ITPRID1: variants seen among roughly 807,000 people sequenced by gnomAD.
ITPRID1 encodes the protein ITPR interacting domain containing 1.
In ITPRID1, 96 loss-of-function variants were observed where a neutral mutation model predicts 95.4. That is an observed-to-expected ratio of 1.01 (90% CI 0.85 to 1.19). ITPRID1 has a LOEUF of 1.19. Ranked by LOEUF, ITPRID1 falls within the 50% of genes most tolerant of loss-of-function variation. The pLI is 0.00. For missense variants in ITPRID1, 1,339 were observed against 1,252.9 expected (o/e 1.07, Z -1.04); for synonymous variants, 510 against 453.6 (o/e 1.12, Z -1.58).
chr7:31,527,748 G>A (rs1278883718), intron 1 of ITPRID1, among the ~76,000 whole-genome samples: 3 of 152,104 alleles, frequency 2.0e-5, no homozygotes, highest in Admixed American at 2.0e-4. Context: ...AACAACAGCA[G>A]CAGCAGCAAC....
At chr7:31,583,538 G>T (rs536748976) in intron 10 of ITPRID1, among the ~76,000 whole-genome samples, 1 of 152,314 alleles carries the variant, frequency 6.6e-6, no homozygotes, top group Non-Finnish European at 1.5e-5. Flanking sequence ...TGAGGCAGGA[G>T]AATTGCTTGA....
intron 1 of ITPRID1, among the ~76,000 whole-genome samples, chr7:31,516,869 G>A (rs576767921): frequency 1.3e-5 from 2 of 152,196 alleles, no homozygotes; most frequent in South Asian, 2.1e-4. Flanking sequence ...ACAGACCCTC[G>A]TGTTAAGTGT....
chr7:31,598,809 GA>G (rs996754849), intron 10 of ITPRID1, among the ~76,000 whole-genome samples: 8 of 151,604 alleles, frequency 5.3e-5, no homozygotes, highest in Admixed American at 4.6e-4. Context: ...GAATAAACAA[GA>G]AAAAAAAGCT....
rs747460838 is a variant in ITPRID1 at position 31,642,863 on chromosome 7, C to T, written c.1493C>T (p.Ser498Leu). The change falls in exon 12 of 15, where the codon TCA (serine) becomes TTA (leucine). Residue 498 changes from serine to leucine, a missense_variant. Ser to Leu is a moderately radical substitution (Grantham distance 145). Coordinates refer to ENST00000615280, the MANE Select transcript of ITPRID1 (RefSeq NM_001257967.3). ...GCGAATGCCTTGGAACAAAGGGCCT[C>T]AGTATCTGTGATGGAGGAAGAGTTT... The part of the protein sequence containing the change: ...QEANALEQRA[S>L]VSVMEEEFLL... 3 of 1,613,902 alleles carry T rather than the reference C, an allele frequency of 1.9e-6. No individual in the cohort carries two copies. Among genetic ancestry groups the T allele is most frequent in the Non-Finnish European group, 8.5e-7 (1 of 1,179,898 alleles).
intron 1 of ITPRID1, among the ~76,000 whole-genome samples, chr7:31,542,319 A>G (rs1287316246): frequency 2.0e-5 from 3 of 152,202 alleles, no homozygotes; most frequent in Non-Finnish European, 4.4e-5. Context: ...GCGAAGAGTC[A>G]GCATTTAGGA....
At chr7:31,577,622 C>T (rs150139631) in intron 8 of ITPRID1, among the ~76,000 whole-genome samples, 1,721 of 152,222 alleles carry the variant, frequency 0.011, 14 homozygotes, top group Middle Eastern at 0.024. Context: ...AATAGTTATG[C>T]GTATTCAACT....
chr7:31,621,504 C>T (rs1465236513), intron 10 of ITPRID1, among the ~76,000 whole-genome samples: 1 of 143,048 alleles, frequency 7.0e-6, no homozygotes. Context: ...TCCAGCCAAA[C>T]TAAGCTTCAT....
chr7:31,655,914 A>G lies in ITPRID1; in HGVS notation c.*3085A>G, dbSNP rs1040069387. 7.1e-6 allele frequency: 7 copies of G among 985,362 alleles called. No individual in the cohort carries two copies. Among genetic ancestry groups the G allele is most frequent in the Admixed American group, 6.2e-5 (1 of 16,252 alleles). The allele number at this position is 985,362 out of a possible 1,614,324, so 61.0% of individuals were successfully genotyped here. A position where few individuals can be genotyped will look rare whatever the true frequency, so the allele number is the denominator to read the frequency against. ...CTAGGATGTCCCTCACCTGGCAGCC[A>G]TCTGCTTTACCAGTCTCATTTCCTG... is the stretch of plus-strand genomic sequence containing the variant. On this transcript the variant is annotated 3_prime_UTR_variant, in exon 15 of 15. Coordinates refer to ENST00000615280, the MANE Select transcript of ITPRID1 (RefSeq NM_001257967.3).
rs80141324 is a variant in ITPRID1 at position 31,644,766 on chromosome 7, T to C, written c.2583+813T>C. On this transcript the variant is annotated intron_variant, in intron 12 of 14. Transcript: ENST00000615280. ...TCAGGGCCAGCCATTGATTAAAAAA[T>C]TAAGACTATTGCACATAAAACCACT... 1.6e-4 allele frequency among the ~76,000 whole-genome samples: 25 copies of C among 152,308 alleles called. No individual in the cohort carries two copies. In the East Asian group the frequency reaches 4.6e-3, roughly 28 times the overall value.
chr7:31,578,215 T>C lies in ITPRID1; in HGVS notation c.951T>C (p.Ser317=). Residue 317 remains serine (S), a synonymous_variant, in exon 9 of 15, where the codon TCT becomes TCC. Coordinates refer to ENST00000615280, the MANE Select transcript of ITPRID1 (RefSeq NM_001257967.3). ...NHLSLSVEHQ[S]LQACDDLLPY... ...TGTCTCTGTCAGTAGAACATCAGTC[T>C]CTCCAAGCCTGTGATGATTTGCTAC... 1.2e-6 allele frequency: 2 copies of C among 1,613,414 alleles called. No individual in the cohort carries two copies. The highest frequency in any genetic ancestry group is 1.1e-5 in the South Asian group (1 of 91,070).
intron 10 of ITPRID1, among the ~76,000 whole-genome samples, chr7:31,625,723 G>A (rs1263854278): frequency 1.3e-5 from 2 of 151,862 alleles, no homozygotes; most frequent in South Asian, 4.2e-4. Context: ...GTATACATAT[G>A]TACCTAACCT....
chr7:31,594,685 C>G (rs564849179), intron 10 of ITPRID1, among the ~76,000 whole-genome samples: 2 of 151,900 alleles, frequency 1.3e-5, no homozygotes, highest in African/African-American at 4.8e-5. Flanking sequence ...GGTGAAACCC[C>G]ATCTCTACTA....
chr7:31,641,851 C>A (rs1790046237), intron 10 of ITPRID1, among the ~76,000 whole-genome samples: 1 of 152,146 alleles, frequency 6.6e-6, no homozygotes. Context: ...GCATTTAAGG[C>A]ATATGTGTTT....
At chr7:31,523,979 T>G (rs1783348124) in intron 1 of ITPRID1, among the ~76,000 whole-genome samples, 1 of 152,218 alleles carries the variant, frequency 6.6e-6, no homozygotes, top group Non-Finnish European at 1.5e-5. Flanking sequence ...GAAGAGCTCT[T>G]TAGACTAAAA....
chr7:31,617,404 C>T (rs910271483), intron 10 of ITPRID1, among the ~76,000 whole-genome samples: 8 of 152,148 alleles, frequency 5.3e-5, no homozygotes, highest in Admixed American at 5.2e-4. Flanking sequence ...CTGAGGTAGG[C>T]AAGAGAGTCA....
At chr7:31,638,075 G>A (rs1466522778) in intron 10 of ITPRID1, among the ~76,000 whole-genome samples, 1 of 152,166 alleles carries the variant, frequency 6.6e-6, no homozygotes, top group East Asian at 1.9e-4. Flanking sequence ...CCACCAAAGT[G>A]TGCAGGGCCA....
downstream of ITPRID1, among the ~76,000 whole-genome samples, chr7:31,656,911 T>A (rs1489731142): frequency 6.6e-6 from 1 of 151,604 alleles, no homozygotes; most frequent in Non-Finnish European, 1.5e-5. Context: ...GGACCTTTGC[T>A]GTCTTCAGTG....
At chr7:31,517,321 G>C (rs117967020) in intron 1 of ITPRID1, 1 of 152,134 alleles carries the variant, frequency 6.6e-6, no homozygotes, top group East Asian at 1.9e-4. Flanking sequence ...TGATTGGTGC[G>C]TTTACAAACC....
chr7:31,537,854 C>A (rs1008751184), intron 1 of ITPRID1, among the ~76,000 whole-genome samples: 2 of 152,070 alleles, frequency 1.3e-5, no homozygotes, highest in Non-Finnish European at 2.9e-5. Flanking sequence ...TGATTGATTT[C>A]TTCTCCCCCC....
Sources: gnomAD v4.1 joint callset for allele counts (sites outside exome capture counted in the v4.1 genomes callset) on GRCh38, gnomAD v4.1.1 for gene constraint, MANE v1.5 for transcripts, NCBI Gene and HGNC (gene_info 2026-07-23, HGNC 2026-07-21) for gene names.